RPL35: variants seen among roughly 807,000 people sequenced by gnomAD.
RPL35 encodes ribosomal protein L35, also known as large ribosomal subunit protein uL29.
RPL35 carries 2 observed loss-of-function variants against 15.6 expected under a neutral mutation model. The ratio of observed to expected loss-of-function variants is 0.13; its 90% CI spans 0.05 to 0.40. RPL35 has a LOEUF of 0.40. Among genes scored for constraint, RPL35 ranks in the 10% least tolerant of loss-of-function variants. The pLI, the probability that RPL35 is intolerant of heterozygous loss-of-function variation, is 0.99. For synonymous variants in RPL35, 93 were observed against 67.9 expected (o/e 1.37, Z -1.82); for missense variants, 111 against 164.7 (o/e 0.67, Z 1.79).
rs1223602535 is a variant in RPL35, at chr9:124,860,258, G to C, written c.147C>G (p.Val49=). The change falls in exon 3 of 4, where the codon GTC becomes GTG. Residue 49 remains valine, a synonymous_variant. Transcript: ENST00000348462. ...GAASKLSKIR[V]VRKSIARVLT... is the part of the protein sequence containing the mutation. ...GAACACGGGCAATGGATTTCCGGAC[G>C]ACTCGGCTACAAAACAGAGATGTCA... The C allele has an allele frequency of 6.2e-7, 1 of 1,613,576 alleles. No homozygotes were observed. Among genetic ancestry groups the C allele is most frequent in the African/African-American group, 1.3e-5 (1 of 75,028 alleles).
intron 3 of RPL35, among the ~76,000 whole-genome samples, chr9:124,859,091 C>T (rs1301501667): frequency 1.3e-5 from 2 of 152,248 alleles, no homozygotes; most frequent in African/African-American, 4.8e-5. Context: ...CCACTAGCCA[C>T]ACACGTAGCT....
rs751294814 is a variant in RPL35 at position 124,861,864 on chromosome 9, C to G, written c.3+46G>C. The G allele has an allele frequency of 1.2e-5, 19 of 1,600,056 alleles. No homozygotes were observed. The African/African-American group carries it at 2.3e-4, about 19-fold the overall frequency. The stretch of plus-strand genomic sequence containing the variant: ...CAGCCCGCACCGCCTTCCCCAACCC[C>G]CGCGCCTCACAGCGCTCGGATGGCG... On this transcript the variant is annotated intron_variant, in intron 1 of 3. Transcript: ENST00000348462.
At chr9:124,858,179 A>C in intron 3 of RPL35, 112 bp from the exon 4 acceptor site, 2 of 1,040,544 alleles carry the variant, frequency 1.9e-6, no homozygotes, top group Non-Finnish European at 2.7e-6. Flanking sequence ...GGCTGCCACC[A>C]TGGGACTGCC....
At chr9:124,858,976 G>C (rs140570863) in intron 3 of RPL35, among the ~76,000 whole-genome samples, 4 of 152,320 alleles carry the variant, frequency 2.6e-5, no homozygotes, top group Non-Finnish European at 5.9e-5. Flanking sequence ...TTGGAAGCAG[G>C]AAAGTCTTTG....
In RPL35 at chr9:124,858,050, G is replaced by A. The variant is rs1366561710; in HGVS notation, c.240C>T (p.Pro80=). The change falls in exon 4 of 4, where the codon CCC becomes CCT. Residue 80 remains proline (P), a synonymous_variant. Coordinates refer to ENST00000348462, the MANE Select transcript of RPL35 (RefSeq NM_007209.4). ...GTGTCTTCTTAGGCCGCAGGTCCAG[G>A]GGCTTGTACTTCTTGCCCTGGGAGA... is the stretch of plus-strand genomic sequence containing the variant. ...RKFYKGKKYK[P]LDLRPKKTRA... The A allele has an allele frequency of 1.9e-6, 3 of 1,612,548 alleles. No homozygotes were observed. In the South Asian group the frequency reaches 3.3e-5, roughly 18 times the overall value.
rs1829146955 is a variant in RPL35 at position 124,858,654 on chromosome 9, T to A, written c.223-587A>T. 6.4e-6 allele frequency: 4 copies of A among 628,038 alleles called. No homozygotes were observed. The East Asian group carries it at 1.1e-4, about 17-fold the overall frequency. The allele number at this position is 628,038 out of a possible 1,614,324, so 38.9% of individuals were successfully genotyped here. On this transcript the variant is annotated intron_variant, in intron 3 of 3. Transcript: ENST00000348462. ...AGAGCCATCATCTGTCTTTCCATCC[T>A]TGGCTCCCACTCCTGCCCCACTTGT...
rs1465774041 is a variant in RPL35 at position 124,857,954 on chromosome 9, C to T, written c.336G>A (p.Arg112=). The T allele has an allele frequency of 5.6e-6, 9 of 1,612,144 alleles. No individual in the cohort carries two copies. The highest frequency in any genetic ancestry group is 1.3e-5 in the African/African-American group (1 of 74,886). ...LKTKKQQRKE[R]LYPLRKYAVK... is the part of the protein sequence containing the mutation. ...CCGCGTACTTCCGCAGCGGGTACAG[C>T]CGCTCCTTCCGCTGCTGCTTCTTGG... The change falls in exon 4 of 4, where the codon CGG becomes CGA. Residue 112 remains arginine, a synonymous_variant. Transcript: ENST00000348462.
intron 3 of RPL35, chr9:124,858,600 G>A: frequency 2.9e-6 from 2 of 685,308 alleles, no homozygotes; most frequent in Non-Finnish European, 2.7e-6. Flanking sequence ...CCTGCTTCCG[G>A]CTTTGGGGCC....
chr9:124,858,199 C>A, intron 3 of RPL35, 132 bp from the exon 4 acceptor site: 1 of 696,916 alleles, frequency 1.4e-6, no homozygotes, highest in Non-Finnish European at 2.1e-6. Flanking sequence ...CAGCAGGCCA[C>A]ACATGTCACT....
chr9:124,859,777 T>C (rs757239092), intron 3 of RPL35, among the ~76,000 whole-genome samples: 9 of 152,114 alleles, frequency 5.9e-5, no homozygotes, highest in Non-Finnish European at 1.2e-4. Flanking sequence ...ATCATGCCAT[T>C]GACTGTGGGT....
intron 3 of RPL35, among the ~76,000 whole-genome samples, chr9:124,859,329 A>G (rs1829160323): frequency 6.6e-6 from 1 of 152,228 alleles, no homozygotes; most frequent in Non-Finnish European, 1.5e-5. Context: ...CTTGTGTCAA[A>G]TCTTCAAGTT....
intron 3 of RPL35, among the ~76,000 whole-genome samples, chr9:124,859,367 G>A (rs1222462551): frequency 2.6e-5 from 4 of 152,190 alleles, no homozygotes; most frequent in Non-Finnish European, 5.9e-5. Context: ...GTAGTGATGT[G>A]GAACCATTTT....
chr9:124,860,136 C>T (rs200567310), intron 3 of RPL35, 47 bp downstream of exon 3: 3 of 1,399,714 alleles, frequency 2.1e-6, no homozygotes, highest in East Asian at 2.3e-5. Context: ...GGACGGCTAG[C>T]ACTTGGCTTC....
At chr9:124,858,164 GA>G in intron 3 of RPL35, 97 bp from the exon 4 acceptor site, 1 of 1,281,916 alleles carries the variant, frequency 7.8e-7, no homozygotes, top group Non-Finnish European at 1.1e-6. Context: ...AGCCACTCAG[GA>G]GGAGGCTGCC....
chr9:124,861,623 C>A (rs1378250596), intron 1 of RPL35, 68 bp from the exon 2 acceptor site: 2 of 1,568,388 alleles, frequency 1.3e-6, no homozygotes, highest in East Asian at 2.3e-5. Flanking sequence ...GCGTGGCCAG[C>A]CCCCAAAGGC....
At chr9:124,861,847 A>T in intron 1 of RPL35, 63 bp downstream of exon 1, 1 of 1,589,264 alleles carries the variant, frequency 6.3e-7, no homozygotes, top group South Asian at 1.1e-5. Context: ...CTCAGCCCGC[A>T]CCGCCTTCCC....
intron 3 of RPL35, among the ~76,000 whole-genome samples, chr9:124,859,832 G>A (rs556011442): frequency 1.3e-5 from 2 of 152,256 alleles, no homozygotes; most frequent in Admixed American, 1.3e-4. Flanking sequence ...CATGGCAGGT[G>A]CCTGGCAGGG....
chr9:124,861,707 G>T, intron 1 of RPL35, 152 bp from the exon 2 acceptor site: 1 of 1,349,012 alleles, frequency 7.4e-7, no homozygotes, highest in Non-Finnish European at 1.0e-6. Flanking sequence ...CGCCGGCCGT[G>T]CCTTGGGCAG....
At chr9:124,861,803 C>T in intron 1 of RPL35, 107 bp downstream of exon 1, 1 of 1,449,562 alleles carries the variant, frequency 6.9e-7, no homozygotes, top group Non-Finnish European at 9.3e-7. Flanking sequence ...TGCGCGGCGC[C>T]CCACAGGCCT....
Sources: gnomAD v4.1 joint callset for allele counts (sites outside exome capture counted in the v4.1 genomes callset) on GRCh38, gnomAD v4.1.1 for gene constraint, MANE v1.5 for transcripts, NCBI Gene and HGNC (gene_info 2026-07-23, HGNC 2026-07-21) for gene names.